The following SMC3 variants were observed in gnomAD, a reference collection of about 807,000 sequenced individuals.
The protein encoded by SMC3 is structural maintenance of chromosomes protein 3.
In SMC3, 20 loss-of-function variants were observed where a neutral mutation model predicts 171.8. The ratio of observed to expected loss-of-function variants is 0.12; its 90% confidence interval spans 0.08 to 0.17. SMC3 has a LOEUF of 0.17. SMC3 is among the 10% of genes least tolerant of loss of function. SMC3 has a pLI of 1.00. For missense variants in SMC3, 543 were observed against 1,420.4 expected, an observed-to-expected ratio of 0.38 and a Z score of 9.93; for synonymous variants, 464 against 451.1, an observed-to-expected ratio of 1.03 and a Z score of -0.36.
rs191367954 is a variant in SMC3, at chr10:110,586,837, A to G, written c.1305+2441A>G. On this transcript the variant is annotated intron_variant, in intron 13 of 28. Coordinates refer to ENST00000361804, the MANE Select transcript of SMC3 (RefSeq NM_005445.4). ...TGCTCCCGGCTAATTTTTGTATTTT[A>G]GTAGAGACAGGGTTTCACCATGTTG... Among the ~76,000 whole-genome samples the G allele has an allele frequency of 1.7e-3, 252 of 152,202 alleles. 1 individual carries two copies. The highest frequency in any genetic ancestry group is 5.5e-3 in the African/African-American group (230 of 41,534).
chr10:110,588,534 T>C (rs921684019), intron 13 of SMC3, among the ~76,000 whole-genome samples: 2 of 152,328 alleles, frequency 1.3e-5, no homozygotes, highest in Admixed American at 1.3e-4. Context: ...TGAAGGATGA[T>C]CTTCAGCTTT....
rs1861447890 is a variant in SMC3, at chr10:110,605,050, A to C, written c.*748A>C. 6.6e-6 allele frequency among the ~76,000 whole-genome samples: 1 copy of C among 152,190 alleles called. No homozygotes were observed. The highest frequency in any genetic ancestry group is 1.5e-5 in the Non-Finnish European group (1 of 68,030). ...TCACATATTTTGTAGAATGTCCCTC[A>C]AATTAGGTTTGTCTAATATTTTTCT... is the stretch of plus-strand genomic sequence containing the variant. On this transcript the variant is annotated 3_prime_UTR_variant, in exon 29 of 29. Transcript: ENST00000361804.
chr10:110,605,056 G>C lies in SMC3; in HGVS notation c.*754G>C, dbSNP rs1392637528. ...ATTTTGTAGAATGTCCCTCAAATTA[G>C]GTTTGTCTAATATTTTTCTCATGGT... On this transcript the variant is annotated 3_prime_UTR_variant, in exon 29 of 29. Coordinates refer to ENST00000361804, the MANE Select transcript of SMC3 (RefSeq NM_005445.4). 6.6e-6 allele frequency among the ~76,000 whole-genome samples: 1 copy of C among 152,174 alleles called. No homozygotes were observed. Among genetic ancestry groups the C allele is most frequent in the Non-Finnish European group, 1.5e-5 (1 of 67,996 alleles).
intron 13 of SMC3, among the ~76,000 whole-genome samples, chr10:110,586,122 CT>C (rs35208630): frequency 6.6e-6 from 1 of 152,002 alleles, no homozygotes; most frequent in Admixed American, 6.5e-5. Context: ...GATTTGCCCA[CT>C]TTAAGTTTTT....
rs1861441048 is a variant in SMC3, at chr10:110,604,569, CTAAT to C, written c.*270_*273del. 7.6e-6 allele frequency: 3 copies of C among 394,222 alleles called. No homozygotes were observed. Among genetic ancestry groups the C allele is most frequent in the Admixed American group, 4.1e-5 (1 of 24,366 alleles). The allele number at this position is 394,222 out of a possible 1,614,324, so 24.4% of individuals were successfully genotyped here. ...TTTGAAACATGCTAAATATTCTTTC[CTAAT>C]TATTTTATCACTTATACTACCTTTT... On this transcript the variant is annotated 3_prime_UTR_variant, in exon 29 of 29. Transcript: ENST00000361804.
rs539381683 is a variant in SMC3 at position 110,600,669 on chromosome 10, G to A, written c.2535+123G>A. On this transcript the variant is annotated intron_variant, in intron 22 of 28. Coordinates refer to ENST00000361804, the MANE Select transcript of SMC3 (RefSeq NM_005445.4). ...TTGGGGACAGAAAGCTTAGTGTCTTGTGGGCCTTGGGTTGGAATTCTGCCA... is the reference window on the plus strand; with the variant it reads ...TTGGGGACAGAAAGCTTAGTGTCTTATGGGCCTTGGGTTGGAATTCTGCCA... The A allele has an allele frequency of 5.4e-4, 372 of 693,146 alleles. 5 individuals are homozygous for A. The South Asian group carries it at 5.8e-3, about 11-fold the overall frequency. 42.9% of individuals were successfully genotyped at this position (693,146 alleles called of 1,614,324 possible). A position where few individuals can be genotyped will look rare whatever the true frequency, so the allele number is the denominator to read the frequency against.
chr10:110,598,775 A>G (rs993302646), intron 20 of SMC3, among the ~76,000 whole-genome samples: 1 of 152,084 alleles, frequency 6.6e-6, no homozygotes, highest in Non-Finnish European at 1.5e-5. Flanking sequence ...AAAGTCTCCT[A>G]TTGTTGGCAC....
chr10:110,599,555 CTA>C, intron 20 of SMC3, 97 bp from the exon 21 acceptor site: 1 of 1,049,060 alleles, frequency 9.5e-7, no homozygotes, highest in Non-Finnish European at 1.4e-6. Context: ...GTTGATATGT[CTA>C]TATATTTAGC....
chr10:110,602,337 A>G, intron 25 of SMC3, 137 bp from the exon 26 acceptor site: 1 of 952,284 alleles, frequency 1.1e-6, no homozygotes, highest in Non-Finnish European at 1.6e-6. Flanking sequence ...TGAATGTTTT[A>G]CACAGCCCTT....
chr10:110,599,618 C>G, intron 20 of SMC3, 36 bp from the exon 21 acceptor site: 2 of 1,597,170 alleles, frequency 1.3e-6, no homozygotes, highest in Non-Finnish European at 1.7e-6. Context: ...AATACAGTGG[C>G]TAATACCTTA....
chr10:110,604,439 T>G lies in SMC3; in HGVS notation c.*137T>G. The G allele has an allele frequency of 1.5e-6, 1 of 651,530 alleles. No homozygotes were observed. The highest frequency in any genetic ancestry group is 2.8e-6 in the Non-Finnish European group (1 of 362,904). 40.4% of individuals were successfully genotyped at this position (651,530 alleles called of 1,614,324 possible). ...CATCATAGTCCTTTTATATTTGTCT[T>G]TGTATTTTATAAGATACTCTGTAAT... On this transcript the variant is annotated 3_prime_UTR_variant, in exon 29 of 29. Coordinates refer to ENST00000361804, the MANE Select transcript of SMC3 (RefSeq NM_005445.4).
Position 110,583,351 on chromosome 10 carries a change from T to A in SMC3, c.805-33T>A, listed in dbSNP as rs773896476. ...CACAATTCTGCTATTGTACTTCTAA[T>A]TGCCTTATTTTCTGTTTAATACTTT... On this transcript the variant is annotated intron_variant, in intron 10 of 28. Coordinates refer to ENST00000361804, the MANE Select transcript of SMC3 (RefSeq NM_005445.4). The A allele has an allele frequency of 7.0e-6, 11 of 1,570,384 alleles. No homozygotes were observed. The African/African-American group carries it at 1.5e-4, about 21-fold the overall frequency.
chr10:110,603,436 A>C, intron 28 of SMC3, 146 bp downstream of exon 28: 1 of 635,284 alleles, frequency 1.6e-6, no homozygotes, highest in Non-Finnish European at 2.8e-6. Flanking sequence ...TTTTCCTTCA[A>C]ATAACTATGA....
rs1860973838 is a variant in SMC3, at chr10:110,577,731, A to G, written c.271-104A>G. ...TATTATTTTTAGTGAGATAATTGAAATTTTAAAATAAATACTTATGGGCAA... is the reference window on the plus strand; with the variant it reads ...TATTATTTTTAGTGAGATAATTGAAGTTTTAAAATAAATACTTATGGGCAA... On this transcript the variant is annotated intron_variant, in intron 5 of 28. Coordinates refer to ENST00000361804, the MANE Select transcript of SMC3 (RefSeq NM_005445.4). 3.1e-5 allele frequency: 25 copies of G among 810,940 alleles called. 2 individuals carry two copies. The South Asian group carries it at 4.0e-4, about 13-fold the overall frequency. 50.2% of individuals were successfully genotyped at this position (810,940 alleles called of 1,614,324 possible). A position where few individuals can be genotyped will look rare whatever the true frequency, so the allele number is the denominator to read the frequency against.
In SMC3 at chr10:110,596,532, C is replaced by T. The variant is rs1422450968; in HGVS notation, c.2098C>T (p.Leu700=). 6.2e-7 allele frequency: 1 copy of T among 1,613,818 alleles called. No homozygotes were observed. Among genetic ancestry groups the T allele is most frequent in the African/African-American group, 1.3e-5 (1 of 74,898 alleles). The change falls in exon 19 of 29, where the codon CTG becomes TTG. Residue 700 remains leucine (L), a synonymous_variant. Coordinates refer to ENST00000361804, the MANE Select transcript of SMC3 (RefSeq NM_005445.4). ...ACTTGAAGCAAAGCTCAATGAAAAC[C>T]TGCGCAGAAATATTGAAAATATCTT... ...GELEAKLNEN[L]RRNIERINNE...
chr10:110,602,545 A>G lies in SMC3; in HGVS notation c.3177A>G (p.Lys1059=). 1 of 1,613,584 alleles carries G rather than the reference A, an allele frequency of 6.2e-7. No homozygotes were observed. Among genetic ancestry groups the G allele is most frequent in the Non-Finnish European group, 8.5e-7 (1 of 1,179,556 alleles). The change falls in exon 26 of 29, where the codon AAA becomes AAG. Residue 1059 remains lysine, a synonymous_variant. Transcript: ENST00000361804. ...GCAAAGCTACTTTGGTGATGAAGAAAGGAGATGTGGAGGGCAGTCAGTCTC... is the reference window on the plus strand; with the variant it reads ...GCAAAGCTACTTTGGTGATGAAGAAGGGAGATGTGGAGGGCAGTCAGTCTC... ...PGGKATLVMK[K]GDVEGSQSQD...
intron 17 of SMC3, among the ~76,000 whole-genome samples, chr10:110,592,624 A>G (rs1861225914): frequency 1.3e-5 from 2 of 152,186 alleles, no homozygotes; most frequent in Admixed American, 6.5e-5. Context: ...AGGAAGTACT[A>G]TTTATATTTA....
chr10:110,581,854 A>T, intron 8 of SMC3, 69 bp from the exon 9 acceptor site: 2 of 1,225,562 alleles, frequency 1.6e-6, no homozygotes, highest in East Asian at 4.7e-5. Flanking sequence ...AATTCAAGGT[A>T]TATTTAAGAA....
intron 13 of SMC3, among the ~76,000 whole-genome samples, chr10:110,586,827 T>C (rs904450552): frequency 6.6e-6 from 1 of 152,082 alleles, no homozygotes; most frequent in African/African-American, 2.4e-5. Flanking sequence ...CCGGCTAATT[T>C]TTGTATTTTA....
Sources: gnomAD v4.1 joint callset for allele counts (sites outside exome capture counted in the v4.1 genomes callset) on GRCh38, gnomAD v4.1.1 for gene constraint, MANE v1.5 for transcripts, NCBI Gene and HGNC (gene_info 2026-07-23, HGNC 2026-07-21) for gene names.